The following KIDINS220 variants were observed in gnomAD, a reference collection of about 807,000 sequenced individuals.
KIDINS220 encodes kinase D interacting substrate 220, also known as kinase D-interacting substrate of 220 kDa.
KIDINS220 carries 63 observed loss-of-function variants against 157.6 expected under a neutral mutation model. The ratio of observed to expected loss-of-function variants is 0.40; its 90% CI spans 0.33 to 0.49. The LOEUF (loss-of-function observed/expected upper bound fraction) is 0.49, where lower values mean the gene tolerates loss of function less well. Among genes scored for constraint, KIDINS220 ranks in the 20% least tolerant of loss-of-function variants. The pLI, the probability that KIDINS220 is intolerant of heterozygous loss-of-function variation, is 0.66. For synonymous variants in KIDINS220, 732 were observed against 783.6 expected, an observed-to-expected ratio of 0.93 and a Z score of 1.10; for missense variants, 1,772 against 2,171.2, an observed-to-expected ratio of 0.82 and a Z score of 3.65.
At position 8,755,441 on chromosome 2, in the gene KIDINS220, T is replaced by C. The variant is rs905020741; in HGVS notation, c.3012-3797A>G. ...GAACAAGTTTAGTTTTTTCCACCAC[T>C]GTATCTCCAGTGGCCTGCACAGAAT... On this transcript the variant is annotated intron_variant, in intron 22 of 29. Transcript: ENST00000256707. Among the ~76,000 whole-genome samples, 3 of 152,256 alleles carry C rather than the reference T, an allele frequency of 2.0e-5. 1 individual carries two copies. Among genetic ancestry groups the C allele is most frequent in the South Asian group, 4.1e-4 (2 of 4,834 alleles).
Position 8,828,338 on chromosome 2 carries a change from G to A in KIDINS220, c.-36-1209C>T, listed in dbSNP as rs181365776. ...ACCGGATGTGGGATGTCAGGGTACC[G>A]ACCCCACACAGGCTTCACTGTCACC... On this transcript the variant is annotated intron_variant, in intron 1 of 29. Transcript: ENST00000256707. Among the ~76,000 whole-genome samples, 260 of 152,248 alleles carry A rather than the reference G, an allele frequency of 1.7e-3. 1 individual carries two copies. Among genetic ancestry groups the A allele is most frequent in the African/African-American group, 6.0e-3 (251 of 41,538 alleles).
At chr2:8,765,744 G>A (rs952457134) in intron 22 of KIDINS220, among the ~76,000 whole-genome samples, 1 of 152,096 alleles carries the variant, frequency 6.6e-6, no homozygotes, top group South Asian at 2.1e-4. Context: ...CCAGGCTGGA[G>A]TGTGGTAGCT....
chr2:8,809,175 C>G (rs10199651), intron 6 of KIDINS220, among the ~76,000 whole-genome samples: 1 of 151,872 alleles, frequency 6.6e-6, no homozygotes, highest in African/African-American at 2.4e-5. Context: ...CACCCACCAC[C>G]ATGCCCAGCT....
chr2:8,738,170 T>C (rs760472423), intron 26 of KIDINS220, among the ~76,000 whole-genome samples: 3 of 152,204 alleles, frequency 2.0e-5, no homozygotes, highest in Non-Finnish European at 2.9e-5. Flanking sequence ...CATGAGTCCA[T>C]AGTAATATAA....
intron 17 of KIDINS220, among the ~76,000 whole-genome samples, chr2:8,783,633 G>A (rs1180914598): frequency 6.6e-6 from 1 of 152,082 alleles, no homozygotes; most frequent in Non-Finnish European, 1.5e-5. Flanking sequence ...ATTATAGCAA[G>A]ATTTCAGATT....
chr2:8,736,137 T>C lies in KIDINS220; in HGVS notation c.3717+731A>G, dbSNP rs755775766. 6.6e-5 allele frequency among the ~76,000 whole-genome samples: 10 copies of C among 152,366 alleles called. No individual in the cohort carries two copies. The South Asian group carries it at 8.3e-4, about 13-fold the overall frequency. On this transcript the variant is annotated intron_variant, in intron 27 of 29. Transcript: ENST00000256707. ...TGCTCATAATTCTTTAAAAAACTTCTCTCAGATGTCATTCTTTCAAGTATA... is the reference window on the plus strand; with the variant it reads ...TGCTCATAATTCTTTAAAAAACTTCCCTCAGATGTCATTCTTTCAAGTATA...
At chr2:8,734,218 G>GT (rs1664559044) in intron 28 of KIDINS220, among the ~76,000 whole-genome samples, 1 of 152,160 alleles carries the variant, frequency 6.6e-6, no homozygotes, top group South Asian at 2.1e-4. Flanking sequence ...TCACCTGGGG[G>GT]TGGGGGGGTT....
At position 8,827,011 on chromosome 2, in the gene KIDINS220, C is replaced by T. The variant is rs1166696565; in HGVS notation, c.83G>A (p.Cys28Tyr). ...CTCATTTCTCTCATCTACATCTTTG[C>T]ATTTTTCAAGAAGAGCTTTCAGAGC... ...IPALKALLEKCKDVDERNECG... is the reference protein window; with the variant it reads ...IPALKALLEKYKDVDERNECG... The change falls in exon 2 of 30, where the codon TGC becomes TAC. Residue 28 changes from cysteine to tyrosine, a missense_variant. Cys to Tyr is a radical substitution (Grantham distance 194). Coordinates refer to ENST00000256707, the MANE Select transcript of KIDINS220 (RefSeq NM_020738.4). 1.9e-6 allele frequency: 3 copies of T among 1,608,708 alleles called. No homozygotes were observed. The highest frequency in any genetic ancestry group is 2.7e-5 in the African/African-American group (2 of 74,808).
intron 1 of KIDINS220, among the ~76,000 whole-genome samples, chr2:8,833,470 T>A (rs1357818099): frequency 2.2e-5 from 3 of 139,528 alleles, no homozygotes; most frequent in African/African-American, 2.6e-5. Context: ...TTATGTTTTT[T>A]AAATTTGTCT....
intron 12 of KIDINS220, among the ~76,000 whole-genome samples, chr2:8,791,897 A>T (rs958378204): frequency 2.0e-5 from 3 of 152,194 alleles, no homozygotes; most frequent in African/African-American, 7.2e-5. Context: ...AGAAAAAAAA[A>T]TTAAAGACTA....
intron 21 of KIDINS220, among the ~76,000 whole-genome samples, chr2:8,772,247 G>A (rs1375092283): frequency 6.6e-6 from 1 of 152,094 alleles, no homozygotes; most frequent in Non-Finnish European, 1.5e-5. Flanking sequence ...AGGCAGAGGT[G>A]GGAGGACCAT....
At chr2:8,804,495 T>C (rs1675166576) in intron 7 of KIDINS220, among the ~76,000 whole-genome samples, 1 of 152,286 alleles carries the variant, frequency 6.6e-6, no homozygotes, top group East Asian at 1.9e-4. Context: ...GAATTAAAAA[T>C]TGCTAATCAG....
intron 2 of KIDINS220, among the ~76,000 whole-genome samples, chr2:8,823,737 A>T (rs1017464056): frequency 6.6e-6 from 1 of 152,200 alleles, no homozygotes; most frequent in Non-Finnish European, 1.5e-5. Flanking sequence ...TAATGTTTTG[A>T]AACTATCATA....
intron 22 of KIDINS220, among the ~76,000 whole-genome samples, chr2:8,759,592 C>T (rs1164999091): frequency 1.3e-5 from 2 of 148,862 alleles, no homozygotes; most frequent in Non-Finnish European, 3.0e-5. Flanking sequence ...GATGAAAAAA[C>T]AATCAACAAC....
chr2:8,795,282 C>T (rs1673751353), intron 11 of KIDINS220, among the ~76,000 whole-genome samples: 1 of 152,180 alleles, frequency 6.6e-6, no homozygotes, highest in South Asian at 2.1e-4. Context: ...TAAACATATC[C>T]AAACCCAATT....
At chr2:8,809,181 C>A (rs1675935248) in intron 6 of KIDINS220, among the ~76,000 whole-genome samples, 1 of 152,088 alleles carries the variant, frequency 6.6e-6, no homozygotes, top group Non-Finnish European at 1.5e-5. Flanking sequence ...CCACCATGCC[C>A]AGCTAATTTT....
At chr2:8,734,376 A>G (rs2147961936) in intron 28 of KIDINS220, among the ~76,000 whole-genome samples, 1 of 152,326 alleles carries the variant, frequency 6.6e-6, no homozygotes, top group East Asian at 1.9e-4. Flanking sequence ...ATGAGAGTTA[A>G]GGCAGGTGAA....
chr2:8,805,900 G>A (rs535147483), intron 7 of KIDINS220, among the ~76,000 whole-genome samples: 1 of 152,294 alleles, frequency 6.6e-6, no homozygotes, highest in African/African-American at 2.4e-5. Flanking sequence ...CCAGCCAGAT[G>A]TGTGTAAGTG....
intron 3 of KIDINS220, 93 bp from the exon 4 acceptor site, chr2:8,817,809 C>T (rs1012064149): frequency 2.5e-6 from 2 of 805,206 alleles, no homozygotes; most frequent in South Asian, 3.8e-5. Flanking sequence ...ACCAAATGAT[C>T]ATACCAAGTT....
Sources: allele counts gnomAD v4.1 joint callset (sites outside exome capture counted in the v4.1 genomes callset), GRCh38; gene constraint gnomAD v4.1.1; transcripts MANE v1.5; gene names NCBI Gene and HGNC (gene_info 2026-07-23, HGNC 2026-07-21).